PRH1: variants seen among roughly 807,000 people sequenced by gnomAD.
PRH1 encodes proline rich protein HaeIII subfamily 1.
In PRH1, 7 loss-of-function variants were observed where a neutral mutation model predicts 7.9. The observed-to-expected ratio is 0.89, with a 90% CI of 0.50 to 1.67. The LOEUF (loss-of-function observed/expected upper bound fraction) is 1.67. Among genes scored for constraint, PRH1 ranks in the 40% most tolerant of loss-of-function variants. The pLI, the probability that PRH1 is intolerant of heterozygous loss-of-function variation, is 0.00. For synonymous variants in PRH1, 45 were observed against 80.8 expected (o/e 0.56, Z 2.38); for missense variants, 109 against 223.6 (o/e 0.49, Z 3.27).
intron 2 of PRH1, among the ~76,000 whole-genome samples, chr12:10,954,127 A>G (rs1412409220): frequency 6.6e-6 from 1 of 152,238 alleles, no homozygotes; most frequent in African/African-American, 2.4e-5. Context: ...AATCATAGAA[A>G]AGAAAGATCA....
intron 1 of PRH1, among the ~76,000 whole-genome samples, chr12:11,100,643 A>G (rs547389250): frequency 1.3e-5 from 2 of 152,378 alleles, no homozygotes; most frequent in South Asian, 4.1e-4. Flanking sequence ...AACAGTACTT[A>G]AAACTTTATC....
At chr12:11,117,373 C>G (rs898334059), downstream of PRH1, among the ~76,000 whole-genome samples, 1 of 151,800 alleles carries the variant, frequency 6.6e-6, no homozygotes, top group Non-Finnish European at 1.5e-5. Context: ...TGAAATAGCT[C>G]TATAATGAAA....
intron 1 of PRH1, among the ~76,000 whole-genome samples, chr12:11,148,868 T>C (rs1946962681): frequency 7.4e-6 from 1 of 134,894 alleles, no homozygotes; most frequent in Non-Finnish European, 1.7e-5. Flanking sequence ...ATGGTACCAG[T>C]TCCTCCTTGT....
At chr12:11,147,646 C>T (rs950731701) in intron 1 of PRH1, among the ~76,000 whole-genome samples, 1 of 152,200 alleles carries the variant, frequency 6.6e-6, no homozygotes, top group African/African-American at 2.4e-5. Context: ...GACATCATCA[C>T]ATCATTATAC....
intron 1 of PRH1, among the ~76,000 whole-genome samples, chr12:11,009,173 A>T (rs118035012): frequency 0.01 from 1,519 of 151,784 alleles, 16 homozygotes; most frequent in Middle Eastern, 0.041. Flanking sequence ...ATCATTTTTA[A>T]TTTCTGTCTA....
intron 2 of PRH1, among the ~76,000 whole-genome samples, chr12:10,941,072 T>C (rs535974914): frequency 1.1e-4 from 16 of 152,260 alleles, no homozygotes; most frequent in African/African-American, 3.4e-4. Context: ...GGCCTCGCTA[T>C]ATCCAGGCAA....
At chr12:11,112,843 A>G (rs952082176) in intron 1 of PRH1, among the ~76,000 whole-genome samples, 1 of 152,226 alleles carries the variant, frequency 6.6e-6, no homozygotes, top group South Asian at 2.1e-4. Flanking sequence ...TCAAATAGAA[A>G]GAAAGGAAGT....
intron 1 of PRH1, among the ~76,000 whole-genome samples, chr12:11,129,283 A>G (rs1203877040): frequency 6.6e-6 from 1 of 152,294 alleles, no homozygotes; most frequent in African/African-American, 2.4e-5. Flanking sequence ...AGGTGGATCT[A>G]ATCAGTTTGT....
At position 10,941,838 on chromosome 12, in the gene PRH1, C is replaced by T. The variant is rs375610659; in HGVS notation, c.-59+31817G>A. Among the ~76,000 whole-genome samples the T allele has an allele frequency of 3.3e-5, 5 of 152,162 alleles. No homozygotes were observed. The East Asian group carries it at 7.7e-4, about 23-fold the overall frequency. On this transcript the variant is annotated intron_variant, in intron 2 of 3. Coordinates refer to the PRH1 transcript ENST00000539853. ...CAGAGTTGGTTTTCTGGCTCCTCCT[C>T]ATTTGGGTAGGCTCTATCAGAGAAA... is the stretch of plus-strand genomic sequence containing the variant.
chr12:11,004,316 G>GA (rs962854235), intron 1 of PRH1, among the ~76,000 whole-genome samples: 3 of 152,012 alleles, frequency 2.0e-5, no homozygotes, highest in Non-Finnish European at 4.4e-5. Context: ...CCAAGATGGT[G>GA]AAAAAATACT....
At chr12:10,964,389 C>A in intron 2 of PRH1, 1 of 227,476 alleles carries the variant, frequency 4.4e-6, no homozygotes. Context: ...TTTGTTTTCT[C>A]TTGGAGACAC....
chr12:11,078,753 T>C (rs1329012748), intron 1 of PRH1: 3 of 152,056 alleles, frequency 2.0e-5, no homozygotes, highest in South Asian at 2.1e-4. Context: ...CCAATATGGA[T>C]TTATTTTTAT....
intron 1 of PRH1, among the ~76,000 whole-genome samples, chr12:11,140,586 C>T (rs972204967): frequency 1.3e-5 from 2 of 152,222 alleles, no homozygotes; most frequent in Admixed American, 1.3e-4. Context: ...TTATGGAAAA[C>T]ATGATAATTT....
At chr12:11,035,074 A>G (rs1181082825) in intron 1 of PRH1, among the ~76,000 whole-genome samples, 2 of 151,780 alleles carry the variant, frequency 1.3e-5, no homozygotes, top group East Asian at 3.9e-4. Context: ...TATTCCCTTT[A>G]ACATAATCTA....
At chr12:11,064,254 T>A (rs1461270679) in intron 1 of PRH1, among the ~76,000 whole-genome samples, 1 of 152,196 alleles carries the variant, frequency 6.6e-6, no homozygotes, top group East Asian at 1.9e-4. Flanking sequence ...TGCTTTGCAC[T>A]GCGTGTAGGT....
intron 2 of PRH1, among the ~76,000 whole-genome samples, chr12:10,922,530 C>T (rs532001352): frequency 1.3e-5 from 2 of 152,168 alleles, no homozygotes; most frequent in African/African-American, 4.8e-5. Context: ...TTATAGTGTA[C>T]ATGGTTTAGG....
intron 2 of PRH1, among the ~76,000 whole-genome samples, chr12:10,900,285 T>C (rs1212521316): frequency 6.6e-6 from 1 of 152,098 alleles, no homozygotes; most frequent in Admixed American, 6.5e-5. Context: ...GCCCTGGAGA[T>C]AACTTGGAGA....
At chr12:10,888,942 G>C (rs953400275), upstream of PRH1, among the ~76,000 whole-genome samples, 5 of 152,202 alleles carry the variant, frequency 3.3e-5, no homozygotes, top group Non-Finnish European at 7.3e-5. Context: ...TGTCAAGGCT[G>C]AGTTTCCTCC....
At chr12:10,922,191 T>C (rs1187428094) in intron 2 of PRH1, among the ~76,000 whole-genome samples, 1 of 152,224 alleles carries the variant, frequency 6.6e-6, no homozygotes, top group Non-Finnish European at 1.5e-5. Context: ...AAGGTACATA[T>C]TAGCTCCTTC....
Sources: gnomAD v4.1 joint callset for allele counts (sites outside exome capture counted in the v4.1 genomes callset) on GRCh38, gnomAD v4.1.1 for gene constraint, MANE v1.5 for transcripts, NCBI Gene and HGNC (gene_info 2026-07-23, HGNC 2026-07-21) for gene names.